PPM1B: variants seen among roughly 807,000 people sequenced by gnomAD.
PPM1B encodes protein phosphatase 1B.
Under a neutral mutation model 43.0 loss-of-function variants are expected in PPM1B, and 22 were observed. That is an observed-to-expected ratio of 0.51 (90% CI 0.37 to 0.73). The LOEUF (loss-of-function observed/expected upper bound fraction) is 0.73. PPM1B is among the 30% of genes least tolerant of loss of function. The probability of loss-of-function intolerance (pLI) is 0.00; values close to 1 mark genes in which losing one functional copy is unlikely to be tolerated. For missense variants in PPM1B, 632 were observed against 584.2 expected (o/e 1.08, Z -0.84); for synonymous variants, 217 against 197.9 (o/e 1.10, Z -0.81).
downstream of PPM1B, chr2:44,232,677 C>T (rs1382657114): frequency 6.5e-6 from 7 of 1,080,008 alleles, no homozygotes; most frequent in Non-Finnish European, 1.1e-6. Flanking sequence ...GTTAGCTATA[C>T]TCTGAAAATA....
chr2:44,217,276 G>C (rs866117828), intron 3 of PPM1B, among the ~76,000 whole-genome samples: 2 of 151,834 alleles, frequency 1.3e-5, no homozygotes, highest in African/African-American at 4.8e-5. Context: ...GCACATGCCT[G>C]TAATCCCAGC....
intron 3 of PPM1B, 73 bp from the exon 4 acceptor site, chr2:44,217,894 A>G (rs1669795907): frequency 3.5e-6 from 3 of 849,510 alleles, no homozygotes; most frequent in Non-Finnish European, 3.5e-6. Context: ...ACCAAATAGT[A>G]TCTCTTGTTT....
chr2:44,173,749 C>T (rs934810313), intron 1 of PPM1B, among the ~76,000 whole-genome samples: 8 of 152,138 alleles, frequency 5.3e-5, no homozygotes, highest in Non-Finnish European at 1.2e-4. Flanking sequence ...TCGAGACTAG[C>T]CTGGCCAACA....
At position 44,197,361 on chromosome 2, in the gene PPM1B, C is replaced by T. The variant is rs113940526; in HGVS notation, c.-14-3825C>T. Among the ~76,000 whole-genome samples, 317 of 152,310 alleles carry T rather than the reference C, an allele frequency of 2.1e-3. No homozygotes were observed. In the Middle Eastern group the frequency reaches 0.024, roughly 11 times the overall value. On this transcript the variant is annotated intron_variant, in intron 1 of 5. Coordinates refer to ENST00000282412, the MANE Select transcript of PPM1B (RefSeq NM_002706.6). ...CTCGAACTCCTGGGCCCAAGTGATT[C>T]TCCTACCTTGGCCTCCCAAAGTGTT...
At chr2:44,183,886 C>T (rs990998016) in intron 1 of PPM1B, among the ~76,000 whole-genome samples, 1 of 152,168 alleles carries the variant, frequency 6.6e-6, no homozygotes, top group Non-Finnish European at 1.5e-5. Context: ...CTACAGGCAT[C>T]CGCCACCGTC....
intron 5 of PPM1B, among the ~76,000 whole-genome samples, chr2:44,220,996 C>A (rs1052536312): frequency 6.6e-6 from 1 of 152,124 alleles, no homozygotes; most frequent in African/African-American, 2.4e-5. Context: ...GAGGTACTTG[C>A]TAAGAGACCA....
rs192077675 is a variant in PPM1B at position 44,242,474 on chromosome 2, T to C, written n.1547-1754T>C. Among the ~76,000 whole-genome samples the C allele has an allele frequency of 3.0e-3, 453 of 152,314 alleles. 2 individuals carry two copies. Among genetic ancestry groups the C allele is most frequent in the African/African-American group, 0.011 (437 of 41,574 alleles). ...TGTTGTATTTTTCTCTAATTTTCCATATGTTTGAATTTTTCATAAAATCTT... is the reference window on the plus strand; with the variant it reads ...TGTTGTATTTTTCTCTAATTTTCCACATGTTTGAATTTTTCATAAAATCTT... On this transcript the variant is annotated intron_variant and non_coding_transcript_variant, in intron 5 of 5. Coordinates refer to the PPM1B transcript ENST00000378540.
chr2:44,197,847 A>G (rs1254003550), intron 1 of PPM1B, among the ~76,000 whole-genome samples: 1 of 152,228 alleles, frequency 6.6e-6, no homozygotes, highest in Non-Finnish European at 1.5e-5. Flanking sequence ...GTATATCAGT[A>G]TCTTAGTGTA....
downstream of PPM1B, among the ~76,000 whole-genome samples, chr2:44,238,183 G>A (rs917571904): frequency 6.6e-6 from 1 of 152,050 alleles, no homozygotes; most frequent in Non-Finnish European, 1.5e-5. Context: ...GATTCCAGGC[G>A]TGACCCACCG....
intron 2 of PPM1B, among the ~76,000 whole-genome samples, chr2:44,203,517 A>G (rs928361802): frequency 6.6e-6 from 1 of 152,194 alleles, no homozygotes; most frequent in Non-Finnish European, 1.5e-5. Context: ...AATCCAGATG[A>G]TGAAGAAAAT....
downstream of PPM1B, chr2:44,233,909 G>C (rs1670538528): frequency 1.0e-6 from 1 of 985,426 alleles, no homozygotes; most frequent in Non-Finnish European, 1.2e-6. Context: ...TTAAAAGATA[G>C]GGAATGAAGA....
intron 1 of PPM1B, among the ~76,000 whole-genome samples, chr2:44,199,309 A>T (rs1271765007): frequency 7.5e-6 from 1 of 134,212 alleles, no homozygotes; most frequent in Non-Finnish European, 1.6e-5. Context: ...ATCTCAAAAA[A>T]AAAAAAAATA....
intron 1 of PPM1B, among the ~76,000 whole-genome samples, chr2:44,177,480 A>G (rs994322441): frequency 1.5e-5 from 2 of 136,264 alleles, no homozygotes; most frequent in African/African-American, 2.8e-5. Flanking sequence ...GTGTAGTGGC[A>G]TGATCTCGGC....
chr2:44,210,675 C>T (rs1463500262), intron 3 of PPM1B, among the ~76,000 whole-genome samples: 1 of 152,032 alleles, frequency 6.6e-6, no homozygotes, highest in Non-Finnish European at 1.5e-5. Flanking sequence ...TTCTGTCTCC[C>T]TCCTTCCTTC....
chr2:44,233,930 G>GT (rs1221588122), downstream of PPM1B: 6 of 985,218 alleles, frequency 6.1e-6, no homozygotes, highest in African/African-American at 1.7e-5. Flanking sequence ...ATGCAAAATG[G>GT]TTTATCGTTC....
At chr2:44,203,536 A>G (rs550805008) in intron 2 of PPM1B, among the ~76,000 whole-genome samples, 60 of 152,234 alleles carry the variant, frequency 3.9e-4, no homozygotes, top group African/African-American at 1.4e-3. Flanking sequence ...ATATAGAGAA[A>G]CACCCAAAAT....
At chr2:44,170,542 T>C (rs1466071821) in intron 1 of PPM1B, among the ~76,000 whole-genome samples, 1 of 152,198 alleles carries the variant, frequency 6.6e-6, no homozygotes, top group Non-Finnish European at 1.5e-5. Context: ...GATGAAGAAG[T>C]GGTAAATTGT....
At chr2:44,178,450 A>ATGTGTGTG (rs1193096840) in intron 1 of PPM1B, among the ~76,000 whole-genome samples, 5 of 129,674 alleles carry the variant, frequency 3.9e-5, no homozygotes, top group African/African-American at 1.5e-4. Flanking sequence ...TATTTTATAT[A>ATGTGTGTG]TGTATATATA....
intron 1 of PPM1B, among the ~76,000 whole-genome samples, chr2:44,170,452 T>C (rs1294854109): frequency 2.0e-5 from 3 of 152,238 alleles, no homozygotes; most frequent in Non-Finnish European, 4.4e-5. Flanking sequence ...AACAAACGTT[T>C]ACAACTACGG....
Sources: allele counts gnomAD v4.1 joint callset (sites outside exome capture counted in the v4.1 genomes callset), GRCh38; gene constraint gnomAD v4.1.1; transcripts MANE v1.5; gene names NCBI Gene and HGNC (gene_info 2026-07-23, HGNC 2026-07-21).